The following IGHMBP2 variants were observed in gnomAD, a reference collection of about 807,000 sequenced individuals.
IGHMBP2 encodes the protein DNA-binding protein SMUBP-2.
IGHMBP2 carries 81 observed loss-of-function variants against 96.0 expected under a neutral mutation model. The ratio of observed to expected loss-of-function variants is 0.84; its 90% CI spans 0.71 to 1.01. The LOEUF (loss-of-function observed/expected upper bound fraction) is 1.01, where lower values mean the gene tolerates loss of function less well. Ranked by LOEUF, IGHMBP2 falls within the 50% of genes least tolerant of loss-of-function variation. IGHMBP2 has a pLI of 0.00. For synonymous variants in IGHMBP2, 557 were observed against 548.9 expected (o/e 1.01, Z -0.21); for missense variants, 1,227 against 1,306.3 (o/e 0.94, Z 0.94).
At chr11:68,913,890 G>A (rs1011851809) in intron 5 of IGHMBP2, among the ~76,000 whole-genome samples, 4 of 152,136 alleles carry the variant, frequency 2.6e-5, no homozygotes, top group African/African-American at 7.2e-5. Flanking sequence ...CTTGCTGCTC[G>A]CCACACAGAA....
Position 68,914,690 on chromosome 11 carries a change from C to G in IGHMBP2, c.712-133C>G. On this transcript the variant is annotated intron_variant, in intron 5 of 14. Transcript: ENST00000255078. The stretch of plus-strand genomic sequence containing the variant: ...CACACGTGGGCTTGGAAAATGAATG[C>G]AAGATTTGATTGAGAGCACGTGTGT... 31 of 956,572 alleles carry G rather than the reference C, an allele frequency of 3.2e-5. No homozygotes were observed. The South Asian group carries it at 3.9e-4, about 12-fold the overall frequency. 59.3% of individuals were successfully genotyped at this position (956,572 alleles called of 1,614,324 possible). A position where few individuals can be genotyped will look rare whatever the true frequency, so the allele number is the denominator to read the frequency against.
intron 8 of IGHMBP2, chr11:68,930,487 A>G: frequency 7.9e-7 from 1 of 1,273,072 alleles, no homozygotes; most frequent in Non-Finnish European, 1.0e-6. Flanking sequence ...TTTGGGAGGA[A>G]GATGTTGGAA....
At position 68,933,471 on chromosome 11, in the gene IGHMBP2, C is replaced by T. The variant is rs1237930222; in HGVS notation, c.1408C>T (p.His470Tyr). Residue 470 changes from histidine (H) to tyrosine (Y), a missense_variant, in exon 9 of 15, where the codon CAC (histidine) becomes TAC (tyrosine). His to Tyr is a moderately conservative substitution (Grantham distance 83). This residue lies in a region of IGHMBP2 where 703 missense variants were observed against 770.3 expected (regional missense o/e 0.91). Coordinates refer to ENST00000255078, the MANE Select transcript of IGHMBP2 (RefSeq NM_002180.3). ...CACAGCCCACTCTTCCGTGGCAAGG[C>T]ACCTCCTGAGGTGAGTAGCTCGGCA... ...QLTAHSSVAR[H>Y]LLRDLPGVAA... 1.2e-6 allele frequency: 2 copies of T among 1,612,268 alleles called. No homozygotes were observed. Among genetic ancestry groups the T allele is most frequent in the Admixed American group, 1.7e-5 (1 of 59,892 alleles).
rs1594455594 is a variant in IGHMBP2 at position 68,936,378 on chromosome 11, A to G, written c.1898A>G (p.His633Arg). The G allele has an allele frequency of 6.2e-7, 1 of 1,614,190 alleles. No homozygotes were observed. The highest frequency in any genetic ancestry group is 8.5e-7 in the Non-Finnish European group (1 of 1,180,040). Residue 633 changes from histidine (H) to arginine (R), a missense_variant, in exon 13 of 15, where the codon CAT becomes CGT. Coordinates refer to ENST00000255078, the MANE Select transcript of IGHMBP2 (RefSeq NM_002180.3). ...ACCCTGGTGGAGTATTTCACACAGC[A>G]TGGGGAAGTACGCACGGCCTTTGAG... ...LKTLVEYFTQ[H>R]GEVRTAFEYL...
In IGHMBP2 at chr11:68,908,264, T is replaced by C; in HGVS notation, c.376T>C (p.Leu126=). Residue 126 remains leucine (L), a synonymous_variant, in exon 3 of 15, where the codon TTG becomes CTG. Transcript: ENST00000255078. ...VAFDESHDFQ[L]SLDRENSYRL... ...CTTTGATGAGTCCCACGATTTCCAG[T>C]TGAGCTTGGACCGAGAGAATTCCTA... 1 of 1,614,120 alleles carries C rather than the reference T, an allele frequency of 6.2e-7. No individual in the cohort carries two copies. Among genetic ancestry groups the C allele is most frequent in the Non-Finnish European group, 8.5e-7 (1 of 1,179,994 alleles).
chr11:68,911,624 C>A (rs1243469669), intron 5 of IGHMBP2, 21 bp downstream of exon 5: 2 of 1,612,664 alleles, frequency 1.2e-6, no homozygotes. Flanking sequence ...CATGCCACTT[C>A]CCTGTCAGAG....
chr11:68,936,520 G>A lies in IGHMBP2; in HGVS notation c.2040G>A (p.Gln680=), dbSNP rs886048606. The A allele has an allele frequency of 2.5e-6, 4 of 1,613,420 alleles. No individual in the cohort carries two copies. Among genetic ancestry groups the A allele is most frequent in the African/African-American group, 2.7e-5 (2 of 74,938 alleles). The change falls in exon 13 of 15, where the codon CAG becomes CAA. Residue 680 remains glutamine (Q), a synonymous_variant. Coordinates refer to ENST00000255078, the MANE Select transcript of IGHMBP2 (RefSeq NM_002180.3). ...ATSTRTGSQR[Q]EGGQEAAAPA... is the part of the protein sequence containing the mutation. ...CCACCAGGACCGGAAGCCAGCGGCA[G>A]GAGGGAGGCCAGGAGGCTGCAGCAC...
chr11:68,910,174 C>A (rs1858376288), intron 4 of IGHMBP2, among the ~76,000 whole-genome samples: 1 of 152,242 alleles, frequency 6.6e-6, no homozygotes, highest in Non-Finnish European at 1.5e-5. Context: ...TTGTAGCACT[C>A]TTTCAGCATG....
rs1594458491 is a variant in IGHMBP2, at chr11:68,938,306, C to T, written c.2736C>T (p.Phe912=). ...CTAGVTTLGQ[F]CQLCSRRYCL... Reference sequence around the variant, plus strand: ...CCGGCGTCACAACCCTGGGCCAGTTCTGCCAGCTCTGCAGCCGCCGCTACT... The same window carrying T: ...CCGGCGTCACAACCCTGGGCCAGTTTTGCCAGCTCTGCAGCCGCCGCTACT... Residue 912 remains phenylalanine, a synonymous_variant, in exon 14 of 15, where the codon TTC becomes TTT. Transcript: ENST00000255078. 1 of 1,612,218 alleles carries T rather than the reference C, an allele frequency of 6.2e-7. No homozygotes were observed. The highest frequency in any genetic ancestry group is 8.5e-7 in the Non-Finnish European group (1 of 1,179,786).
At chr11:68,934,173 G>C (rs890986351) in intron 10 of IGHMBP2, 13 of 610,690 alleles carry the variant, frequency 2.1e-5, no homozygotes, top group Non-Finnish European at 2.9e-5. Context: ...TGGCTGGTCT[G>C]GTGATGGGAA....
intron 4 of IGHMBP2, 35 bp from the exon 5 acceptor site, chr11:68,911,405 A>G: frequency 4.3e-6 from 7 of 1,610,242 alleles, no homozygotes; most frequent in Non-Finnish European, 5.9e-6. Context: ...AGCTCCCCAG[A>G]GCACCTGAGC....
At chr11:68,930,620 G>T (rs112318263) in intron 8 of IGHMBP2, 8 of 658,710 alleles carry the variant, frequency 1.2e-5, no homozygotes, top group African/African-American at 7.8e-5. Flanking sequence ...GATTTTTCTG[G>T]CTGGAAACCT....
rs556055659 is a variant in IGHMBP2, at chr11:68,935,213, G to T, written c.1633-86G>T. The T allele has an allele frequency of 4.5e-6, 7 of 1,554,454 alleles. No homozygotes were observed. The African/African-American group carries it at 8.1e-5, about 18-fold the overall frequency. ...TCCCAGGTCCTGGCTGTTTCACAGC[G>T]TGAGGCCCTCTGCTGAGCTGAAGGG... On this transcript the variant is annotated intron_variant, in intron 11 of 14. Transcript: ENST00000255078.
intron 2 of IGHMBP2, among the ~76,000 whole-genome samples, chr11:68,907,421 T>G: frequency 6.6e-6 from 1 of 152,144 alleles, no homozygotes; most frequent in Non-Finnish European, 1.5e-5. Flanking sequence ...CCAGCCTGGT[T>G]GGAAAGGAGG....
At chr11:68,922,079 C>T (rs1333245762) in intron 7 of IGHMBP2, among the ~76,000 whole-genome samples, 2 of 152,190 alleles carry the variant, frequency 1.3e-5, no homozygotes, top group African/African-American at 2.4e-5. Flanking sequence ...CCTGTAATCT[C>T]AGCACTTTGG....
rs1036563483 is a variant in IGHMBP2 at position 68,939,751 on chromosome 11, C to T, written c.*20C>T. 1.3e-6 allele frequency: 2 copies of T among 1,589,038 alleles called. No individual in the cohort carries two copies. The highest frequency in any genetic ancestry group is 2.3e-5 in the East Asian group (1 of 44,144). ...ACGTGACCGGCCGCATCCTTGCACGCCCCGCGGAGCTCTCTCCATGGTAGC... is the reference window on the plus strand; with the variant it reads ...ACGTGACCGGCCGCATCCTTGCACGTCCCGCGGAGCTCTCTCCATGGTAGC... On this transcript the variant is annotated 3_prime_UTR_variant, in exon 15 of 15. Transcript: ENST00000255078.
chr11:68,931,496 A>T (rs1859298677), intron 8 of IGHMBP2, among the ~76,000 whole-genome samples: 1 of 152,174 alleles, frequency 6.6e-6, no homozygotes, highest in Non-Finnish European at 1.5e-5. Flanking sequence ...GGAGACGCAG[A>T]TCCACAGCTG....
At position 68,914,835 on chromosome 11, in the gene IGHMBP2, G is replaced by A. The variant is rs746259825; in HGVS notation, c.724G>A (p.Ala242Thr). The A allele has an allele frequency of 3.7e-5, 60 of 1,614,072 alleles. No individual in the cohort carries two copies. Among genetic ancestry groups the A allele is most frequent in the Non-Finnish European group, 3.7e-5 (44 of 1,180,044 alleles). The part of the protein sequence containing the change: ...VKQGLKVLCC[A>T]PSNIAVDNLV... ...TTGCGGTTCCCAGGTTCTGTGCTGC[G>A]CCCCCTCCAACATCGCCGTGGACAA... is the stretch of plus-strand genomic sequence containing the variant. Residue 242 changes from alanine (A) to threonine (T), a missense_variant, in exon 6 of 15, where the codon GCC becomes ACC. Ala to Thr is a moderately conservative substitution (Grantham distance 58). Around this residue, in one of 3 missense-constraint regions of IGHMBP2, gnomAD observed 507 missense variants for 496.9 expected, o/e 1.02. Coordinates refer to ENST00000255078, the MANE Select transcript of IGHMBP2 (RefSeq NM_002180.3).
intron 12 of IGHMBP2, among the ~76,000 whole-genome samples, chr11:68,935,650 G>A (rs886950290): frequency 1.3e-5 from 2 of 152,210 alleles, no homozygotes; most frequent in African/African-American, 4.8e-5. Flanking sequence ...GTGGCAGCTG[G>A]GGGCGCAGGG....
Sources: allele counts gnomAD v4.1 joint callset (sites outside exome capture counted in the v4.1 genomes callset), GRCh38; gene constraint gnomAD v4.1.1; regional missense constraint gnomAD v4.1.1; transcripts MANE v1.5; gene names NCBI Gene and HGNC (gene_info 2026-07-23, HGNC 2026-07-21).